Variants in TAF4B observed in about 807,000 individuals in gnomAD.
The protein encoded by TAF4B is TATA-box binding protein associated factor 4b, also known as transcription initiation factor TFIID subunit 4B.
A neutral mutation model predicts 86.4 loss-of-function variants in TAF4B; 38 were observed. That is an observed-to-expected ratio of 0.44 (90% CI 0.34 to 0.58). The LOEUF (loss-of-function observed/expected upper bound fraction) is 0.58, where lower values mean the gene tolerates loss of function less well. Among genes scored for constraint, TAF4B ranks in the 20% least tolerant of loss-of-function variants. The pLI, the probability that TAF4B is intolerant of heterozygous loss-of-function variation, is 0.02. For missense variants in TAF4B, 988 were observed against 1,027.6 expected (o/e 0.96, Z 0.53); for synonymous variants, 388 against 391.2 (o/e 0.99, Z 0.10).
At chr18:26,301,033 C>T (rs1312952139) in intron 9 of TAF4B, among the ~76,000 whole-genome samples, 1 of 152,120 alleles carries the variant, frequency 6.6e-6, no homozygotes, top group African/African-American at 2.4e-5. Flanking sequence ...CATTACTGTT[C>T]CCATCATCCA....
At position 26,244,379 on chromosome 18, in the gene TAF4B, C is replaced by T. The variant is rs142735995; in HGVS notation, c.343+17103C>T. Among the ~76,000 whole-genome samples, 8 of 152,326 alleles carry T rather than the reference C, an allele frequency of 5.3e-5. No homozygotes were observed. In the East Asian group the frequency reaches 5.8e-4, roughly 11 times the overall value. On this transcript the variant is annotated intron_variant, in intron 1 of 14. Coordinates refer to ENST00000269142, the MANE Select transcript of TAF4B (RefSeq NM_005640.3). ...TGGGCGTGGGACCCTCTGAGCCAGG[C>T]GCGTGATATAATCTCCTTGTGTGCT...
chr18:26,302,811 A>T (rs151308938), intron 9 of TAF4B, among the ~76,000 whole-genome samples: 4 of 151,772 alleles, frequency 2.6e-5, no homozygotes, highest in African/African-American at 9.7e-5. Flanking sequence ...TTCCTCAGTG[A>T]TCTGTAATGT....
At chr18:26,306,708 A>G (rs946103653) in intron 9 of TAF4B, among the ~76,000 whole-genome samples, 2 of 152,116 alleles carry the variant, frequency 1.3e-5, no homozygotes, top group African/African-American at 4.8e-5. Context: ...ATATCTTTTC[A>G]TAGTGATGTC....
rs1013325493 is a variant in TAF4B, at chr18:26,321,280, G to T, written c.2133+80G>T. 1.7e-5 allele frequency: 24 copies of T among 1,445,728 alleles called. No homozygotes were observed. In the East Asian group the frequency reaches 2.1e-4, roughly 13 times the overall value. 89.6% of individuals were successfully genotyped at this position (1,445,728 alleles called of 1,614,324 possible). A position where few individuals can be genotyped will look rare whatever the true frequency, so the allele number is the denominator to read the frequency against. On this transcript the variant is annotated intron_variant, in intron 11 of 14. Transcript: ENST00000269142. ...GGGCGTGGATTGATATTCTAAACAC[G>T]TTTTTAAAGGAATGGTTGAGGCTTA...
chr18:26,340,216 T>C (rs2057125395), intron 13 of TAF4B, among the ~76,000 whole-genome samples: 1 of 152,210 alleles, frequency 6.6e-6, no homozygotes, highest in African/African-American at 2.4e-5. Context: ...TACTGAATCA[T>C]AAGGCTCATT....
chr18:26,382,992 A>G (rs949864232), intron 14 of TAF4B, among the ~76,000 whole-genome samples: 1 of 152,156 alleles, frequency 6.6e-6, no homozygotes, highest in Non-Finnish European at 1.5e-5. Context: ...GGCAATAAGG[A>G]TAGGATCAGT....
intron 5 of TAF4B, among the ~76,000 whole-genome samples, chr18:26,278,089 C>T (rs1346556637): frequency 6.6e-6 from 1 of 152,136 alleles, no homozygotes; most frequent in Non-Finnish European, 1.5e-5. Flanking sequence ...CCATTCTTTT[C>T]AGTAAAAATG....
chr18:26,307,024 C>T (rs1043103289), intron 9 of TAF4B, among the ~76,000 whole-genome samples: 2 of 151,970 alleles, frequency 1.3e-5, no homozygotes, highest in Non-Finnish European at 2.9e-5. Flanking sequence ...CTCCTGACCT[C>T]GTGATCCACC....
At chr18:26,265,073 T>C (rs988315150) in intron 1 of TAF4B, 97 bp from the exon 2 acceptor site, 10 of 1,291,782 alleles carry the variant, frequency 7.7e-6, no homozygotes, top group Admixed American at 2.4e-5. Flanking sequence ...TGAAGACATC[T>C]TTTTAAAGTG....
rs756109901 is a variant in TAF4B, at chr18:26,285,935, G to A, written c.1026G>A (p.Gln342=). 1 of 1,614,080 alleles carries A rather than the reference G, an allele frequency of 6.2e-7. No individual in the cohort carries two copies. The part of the protein sequence containing the change: ...QLLPNSQSFI[Q]QCVQQTSSDM... ...TGCCTAACTCCCAGAGCTTCATCCA[G>A]CAATGTGTTCAGCAGACTTCTAGTG... Residue 342 remains glutamine (Q), a synonymous_variant, in exon 7 of 15, where the codon CAG becomes CAA. Transcript: ENST00000269142.
rs569906163 is a variant in TAF4B at position 26,247,881 on chromosome 18, A to G, written c.344-17289A>G. Among the ~76,000 whole-genome samples the G allele has an allele frequency of 6.6e-5, 10 of 151,426 alleles. No homozygotes were observed. In the South Asian group the frequency reaches 1.9e-3, roughly 29 times the overall value. Reference sequence around the variant, plus strand: ...ACAGAACAAGACTCTGTCTCAAAAAAAAGTAAAAAAAATTGAGACAGGGTC... The same window carrying G: ...ACAGAACAAGACTCTGTCTCAAAAAGAAGTAAAAAAAATTGAGACAGGGTC... On this transcript the variant is annotated intron_variant, in intron 1 of 14. Transcript: ENST00000269142.
At position 26,249,804 on chromosome 18, in the gene TAF4B, T is replaced by C. The variant is rs554985045; in HGVS notation, c.344-15366T>C. ...GTGGCATGACCTCAGTTCATTATAA[T>C]CTCCACCTTCTGGGTTCAAGCAATT... is the stretch of plus-strand genomic sequence containing the variant. On this transcript the variant is annotated intron_variant, in intron 1 of 14. Coordinates refer to ENST00000269142, the MANE Select transcript of TAF4B (RefSeq NM_005640.3). Among the ~76,000 whole-genome samples, 1,200 of 152,132 alleles carry C rather than the reference T, an allele frequency of 7.9e-3. 14 individuals are homozygous for C. The highest frequency in any genetic ancestry group is 0.027 in the African/African-American group (1,136 of 41,528).
At chr18:26,309,787 C>T (rs904445863) in intron 9 of TAF4B, among the ~76,000 whole-genome samples, 3 of 151,906 alleles carry the variant, frequency 2.0e-5, no homozygotes, top group Non-Finnish European at 4.4e-5. Context: ...AATGAATAGA[C>T]GTGGGAAGAA....
chr18:26,246,233 A>G (rs2055922080), intron 1 of TAF4B, among the ~76,000 whole-genome samples: 1 of 152,216 alleles, frequency 6.6e-6, no homozygotes, highest in South Asian at 2.1e-4. Flanking sequence ...AGGCTGGATG[A>G]TAATACCAGT....
At chr18:26,236,447 G>A (rs1322266233) in intron 1 of TAF4B, among the ~76,000 whole-genome samples, 1 of 152,160 alleles carries the variant, frequency 6.6e-6, no homozygotes, top group Non-Finnish European at 1.5e-5. Context: ...ACATGAGCTG[G>A]TGCTTGCCCT....
In TAF4B at chr18:26,285,222, G is replaced by GTTTTTTTTTTTTTTT. The variant is rs776976703; in HGVS notation, c.973-646_973-645insTTTTTTTTTTTTTTT. On this transcript the variant is annotated intron_variant, in intron 6 of 14. Transcript: ENST00000269142. ...ATTTCTTCCTTTCCTTTTTTTTTTT[G>GTTTTTTTTTTTTTTT]TTTTTTTTTTTTTTGGAGATGGGGT... 7.7e-4 allele frequency among the ~76,000 whole-genome samples: 35 copies of GTTTTTTTTTTTTTTT among 45,692 alleles called. 1 individual carries two copies. Among genetic ancestry groups the GTTTTTTTTTTTTTTT allele is most frequent in the Admixed American group, 1.2e-3 (4 of 3,232 alleles). 30.0% of individuals were successfully genotyped at this position (45,692 alleles called of 152,430 possible).
chr18:26,303,094 T>C (rs9948990), intron 9 of TAF4B, among the ~76,000 whole-genome samples: 1,809 of 26,866 alleles, frequency 0.067, 60 homozygotes, highest in East Asian at 0.32. Flanking sequence ...ACTTTCATAC[T>C]CCCTCCACTT....
chr18:26,263,621 C>T (rs1215037013), intron 1 of TAF4B, among the ~76,000 whole-genome samples: 1 of 152,190 alleles, frequency 6.6e-6, no homozygotes, highest in African/African-American at 2.4e-5. Flanking sequence ...ACAGTTTTTA[C>T]TTTTAATGTA....
At chr18:26,241,498 G>A (rs2055838075) in intron 1 of TAF4B, among the ~76,000 whole-genome samples, 1 of 152,064 alleles carries the variant, frequency 6.6e-6, no homozygotes, top group South Asian at 2.1e-4. Flanking sequence ...AGTCTTGCTA[G>A]CGGACTATTA....
Sources: allele counts gnomAD v4.1 joint callset (sites outside exome capture counted in the v4.1 genomes callset), GRCh38; gene constraint gnomAD v4.1.1; transcripts MANE v1.5; gene names NCBI Gene and HGNC (gene_info 2026-07-23, HGNC 2026-07-21).